Variants in TMEM63B observed in about 807,000 individuals in gnomAD.
TMEM63B encodes mechanosensitive cation channel TMEM63B.
In TMEM63B, 23 loss-of-function variants were observed where a neutral mutation model predicts 102.6. That is an observed-to-expected ratio of 0.22 (90% CI 0.16 to 0.32). The LOEUF is 0.32. Among genes scored for constraint, TMEM63B ranks in the 10% least tolerant of loss-of-function variants. The pLI, the probability that TMEM63B is intolerant of heterozygous loss-of-function variation, is 1.00. For synonymous variants in TMEM63B, 444 were observed against 437.0 expected (o/e 1.02, Z -0.20); for missense variants, 628 against 1,095.9 (o/e 0.57, Z 6.03).
At chr6:44,142,063 A>G (rs1027691604) in intron 10 of TMEM63B, among the ~76,000 whole-genome samples, 3 of 151,978 alleles carry the variant, frequency 2.0e-5, no homozygotes, top group Non-Finnish European at 2.9e-5. Flanking sequence ...TCGAGGCTGC[A>G]GTGAGTCCTG....
chr6:44,144,637 G>A (rs983826940), intron 10 of TMEM63B, among the ~76,000 whole-genome samples: 3 of 151,642 alleles, frequency 2.0e-5, no homozygotes, highest in Non-Finnish European at 4.4e-5. Flanking sequence ...CTCCCTGGCT[G>A]GAGTGCTGCA....
chr6:44,127,176 C>T (rs1160069114), upstream of TMEM63B: 1 of 149,016 alleles, frequency 6.7e-6, no homozygotes, highest in Non-Finnish European at 1.5e-5. Context: ...GGACCCCCCT[C>T]CCCGTCGGGA....
At chr6:44,151,801 C>T (rs895913512) in intron 18 of TMEM63B, 45 bp from the exon 19 acceptor site, 9 of 1,534,410 alleles carry the variant, frequency 5.9e-6, no homozygotes, top group Middle Eastern at 1.8e-4. Context: ...GGGCGGCCAC[C>T]GGGTCACCCC....
intron 20 of TMEM63B, among the ~76,000 whole-genome samples, chr6:44,153,224 T>C (rs1767157970): frequency 1.3e-5 from 2 of 152,224 alleles, no homozygotes; most frequent in Admixed American, 1.3e-4. Context: ...TGGTAGCCTC[T>C]ACTTTCCTCC....
intron 1 of TMEM63B, among the ~76,000 whole-genome samples, chr6:44,131,103 A>G (rs1039833848): frequency 2.0e-5 from 3 of 151,644 alleles, no homozygotes; most frequent in African/African-American, 7.3e-5. Context: ...TTTTTTTAGT[A>G]GAGACGGGGT....
rs561086193 is a variant in TMEM63B at position 44,134,571 on chromosome 6, C to T, written c.-14C>T. 13 of 1,612,842 alleles carry T rather than the reference C, an allele frequency of 8.1e-6. No homozygotes were observed. Among genetic ancestry groups the T allele is most frequent in the African/African-American group, 5.3e-5 (4 of 75,052 alleles). On this transcript the variant is annotated 5_prime_UTR_variant, in exon 2 of 24. Transcript: ENST00000323267. Reference sequence around the variant, plus strand: ...CCACCCTCTGCCCAGGAGGACCATGCGGCAGTAGCAGCCATGCTGCCCTTT... The same window carrying T: ...CCACCCTCTGCCCAGGAGGACCATGTGGCAGTAGCAGCCATGCTGCCCTTT...
At chr6:44,138,736 G>GTCCCCCCTCC in intron 6 of TMEM63B, 1 of 280,538 alleles carries the variant, frequency 3.6e-6, no homozygotes, top group Non-Finnish European at 6.9e-6. Flanking sequence ...CCCCCTGCCG[G>GTCCCCCCTCC]CCCCCCCGCT....
Position 44,154,162 on chromosome 6 carries a change from A to C in TMEM63B, c.2200A>C (p.Lys734Gln). The change falls in exon 22 of 24, where the codon AAA (lysine) becomes CAA (glutamine). Residue 734 changes from lysine (K) to glutamine (Q), a missense_variant. Transcript: ENST00000323267. ...CLCHVCFGHFKYLSAHNYKIE... is the reference protein window; with the variant it reads ...CLCHVCFGHFQYLSAHNYKIE... ...CTGCCACGTCTGCTTTGGACACTTCAAATACCTCAGTGCCCACAACTACAA... is the reference window on the plus strand; with the variant it reads ...CTGCCACGTCTGCTTTGGACACTTCCAATACCTCAGTGCCCACAACTACAA... 6.2e-7 allele frequency: 1 copy of C among 1,614,080 alleles called. No individual in the cohort carries two copies. Among genetic ancestry groups the C allele is most frequent in the Non-Finnish European group, 8.5e-7 (1 of 1,179,968 alleles).
At chr6:44,139,056 C>CT (rs1383908151) in intron 6 of TMEM63B, 1 of 264,912 alleles carries the variant, frequency 3.8e-6, no homozygotes, top group South Asian at 4.9e-5. Context: ...ACTTCTGCCT[C>CT]TTTCACCACT....
Position 44,154,981 on chromosome 6 carries a change from C to A in TMEM63B, c.*98C>A. On this transcript the variant is annotated 3_prime_UTR_variant, in exon 24 of 24. Coordinates refer to ENST00000323267, the MANE Select transcript of TMEM63B (RefSeq NM_018426.3). The stretch of plus-strand genomic sequence containing the variant: ...TAATTTATTAGATCTAAAGCCCCTT[C>A]CTCCCCAGCCCCTGCTTTCATTAAG... The A allele has an allele frequency of 2.6e-6, 3 of 1,141,418 alleles. No homozygotes were observed. The highest frequency in any genetic ancestry group is 3.6e-6 in the Non-Finnish European group (3 of 840,942). The allele number at this position is 1,141,418 out of a possible 1,614,324, so 70.7% of individuals were successfully genotyped here. A position where few individuals can be genotyped will look rare whatever the true frequency, so the allele number is the denominator to read the frequency against.
intron 1 of TMEM63B, among the ~76,000 whole-genome samples, chr6:44,128,148 C>A (rs1461819094): frequency 6.6e-6 from 1 of 152,184 alleles, no homozygotes; most frequent in East Asian, 1.9e-4. Context: ...TTCTGCTGCT[C>A]CCGGGGGCGA....
intron 1 of TMEM63B, among the ~76,000 whole-genome samples, chr6:44,130,779 T>C (rs569937268): frequency 3.3e-4 from 48 of 143,776 alleles, no homozygotes; most frequent in Non-Finnish European, 6.7e-4. Context: ...CGAGACAAGG[T>C]TTTGCTCTCT....
At chr6:44,133,969 C>T (rs1762433162) in intron 1 of TMEM63B, among the ~76,000 whole-genome samples, 1 of 152,204 alleles carries the variant, frequency 6.6e-6, no homozygotes, top group Admixed American at 6.5e-5. Flanking sequence ...CCCAGAAGTC[C>T]TACTATTTAC....
chr6:44,155,065 AC>A lies in TMEM63B; in HGVS notation c.*184del. 1 of 579,558 alleles carries A rather than the reference AC, an allele frequency of 1.7e-6. No homozygotes were observed. Among genetic ancestry groups the A allele is most frequent in the Non-Finnish European group, 2.7e-6 (1 of 367,734 alleles). 35.9% of individuals were successfully genotyped at this position (579,558 alleles called of 1,614,324 possible). ...CATGATGGAGGGAGGGAGCCCCCCA[AC>A]CTCAGTGAGGAGAGCCCCGAGCCGG... On this transcript the variant is annotated 3_prime_UTR_variant, in exon 24 of 24. Coordinates refer to ENST00000323267, the MANE Select transcript of TMEM63B (RefSeq NM_018426.3).
chr6:44,152,273 G>T lies in TMEM63B; in HGVS notation c.1836+265G>T, dbSNP rs745550284. Among the ~76,000 whole-genome samples the T allele has an allele frequency of 6.6e-6, 1 of 152,000 alleles. No individual in the cohort carries two copies. The highest frequency in any genetic ancestry group is 2.4e-5 in the African/African-American group (1 of 41,354). The stretch of plus-strand genomic sequence containing the variant: ...AGTTGGGGAGATCTGGGTCCCTAGC[G>T]CTAGGGTCCCTCTGTCTTAATAAGA... On this transcript the variant is annotated intron_variant, in intron 19 of 23. Transcript: ENST00000323267. This position sits in a 1 kb window ranked among gnomAD's most constrained non-coding sequence, Gnocchi z 6.4.
At chr6:44,145,779 GAAAC>G (rs139108753) in intron 10 of TMEM63B, among the ~76,000 whole-genome samples, 27,420 of 151,928 alleles carry the variant, frequency 0.18, 2,700 homozygotes, top group Non-Finnish European at 0.22. Context: ...CAGAATATTT[GAAAC>G]AAACAAACAA....
rs1057264668 is a variant in TMEM63B at position 44,150,153 on chromosome 6, C to T, written c.1521-71C>T. On this transcript the variant is annotated intron_variant, in intron 16 of 23. Coordinates refer to ENST00000323267, the MANE Select transcript of TMEM63B (RefSeq NM_018426.3). This position sits in a 1 kb window ranked among gnomAD's most constrained non-coding sequence, Gnocchi z 4.7. ...CCAGGGGACACTCCTTGGACATTGT[C>T]CTTGTTGGGGGAGCAAGTCTGGGGC... 5.3e-6 allele frequency: 8 copies of T among 1,505,620 alleles called. No homozygotes were observed. The East Asian group carries it at 1.8e-4, about 34-fold the overall frequency. 93.3% of individuals were successfully genotyped at this position (1,505,620 alleles called of 1,614,324 possible). A position where few individuals can be genotyped will look rare whatever the true frequency, so the allele number is the denominator to read the frequency against.
Position 44,129,711 on chromosome 6 carries a change from G to A in TMEM63B, c.-25+2033G>A, listed in dbSNP as rs187801639. Among the ~76,000 whole-genome samples, 24 of 152,266 alleles carry A rather than the reference G, an allele frequency of 1.6e-4. No individual in the cohort carries two copies. In the East Asian group the frequency reaches 4.4e-3, roughly 28 times the overall value. Reference sequence around the variant, plus strand: ...TTATATTTCTATCATGTTACATTCTGTGTTTTTATCTTATTTTTGTTTTTA... The same window carrying A: ...TTATATTTCTATCATGTTACATTCTATGTTTTTATCTTATTTTTGTTTTTA... On this transcript the variant is annotated intron_variant, in intron 1 of 23. Coordinates refer to ENST00000323267, the MANE Select transcript of TMEM63B (RefSeq NM_018426.3).
At chr6:44,130,446 C>T (rs1415446030) in intron 1 of TMEM63B, among the ~76,000 whole-genome samples, 2 of 145,274 alleles carry the variant, frequency 1.4e-5, no homozygotes, top group African/African-American at 5.0e-5. Context: ...TTTTTCTTTC[C>T]TTTTTTTTTT....
Sources: gnomAD v4.1 joint callset for allele counts (sites outside exome capture counted in the v4.1 genomes callset) on GRCh38, gnomAD v4.1.1 for gene constraint, Gnocchi (gnomAD v3.1) non-coding constraint, MANE v1.5 for transcripts, NCBI Gene and HGNC (gene_info 2026-07-23, HGNC 2026-07-21) for gene names.